Variants in LMO7 observed in about 807,000 individuals in gnomAD.
LMO7 encodes the protein LIM domain only protein 7.
Under a neutral mutation model 206.5 loss-of-function variants are expected in LMO7, and 120 were observed. The ratio of observed to expected loss-of-function variants is 0.58; its 90% CI spans 0.50 to 0.68. LMO7 has a LOEUF of 0.68. Ranked by LOEUF, LMO7 falls within the 30% of genes least tolerant of loss-of-function variation. LMO7 has a pLI of 0.00. For synonymous variants in LMO7, 706 were observed against 681.5 expected (o/e 1.04, Z -0.56); for missense variants, 1,959 against 1,957.9 (o/e 1.00, Z -0.01).
exon 2 of LMO7, chr13:75,623,287 T>C (rs1434504119): frequency 6.9e-7 from 1 of 1,452,320 alleles, no homozygotes; most frequent in Admixed American, 1.7e-5. Context: ...TTTTGAGGAC[T>C]GAACAAAATT....
intron 11 of LMO7, among the ~76,000 whole-genome samples, chr13:75,809,769 A>G (rs1036934954): frequency 6.6e-6 from 1 of 152,102 alleles, no homozygotes; most frequent in Admixed American, 6.5e-5. Flanking sequence ...AGTGCAAAAT[A>G]GACCTTCAAA....
Position 75,854,508 on chromosome 13 carries a change from A to C in LMO7, c.4662-752A>C, listed in dbSNP as rs77226779. Among the ~76,000 whole-genome samples the C allele has an allele frequency of 2.9e-3, 434 of 152,084 alleles. 7 individuals are homozygous for C. Among genetic ancestry groups the C allele is most frequent in the African/African-American group, 0.01 (426 of 41,494 alleles). ...GAGGGAGGGGCTGAGGGCTTTTCTG[A>C]CCTAAGAAGGTCCTGATCTAGGAGG... On this transcript the variant is annotated intron_variant, in intron 28 of 30. Coordinates refer to ENST00000377534, the MANE Select transcript of LMO7 (RefSeq NM_001306080.2).
At position 75,849,392 on chromosome 13, in the gene LMO7, A is replaced by G. The variant is rs1009303923; in HGVS notation, c.4364+100A>G. The G allele has an allele frequency of 7.8e-6, 7 of 894,934 alleles. 1 individual carries two copies. The highest frequency in any genetic ancestry group is 6.7e-5 in the African/African-American group (4 of 60,040). The allele number at this position is 894,934 out of a possible 1,614,324, so 55.4% of individuals were successfully genotyped here. On this transcript the variant is annotated intron_variant, in intron 27 of 30. Transcript: ENST00000377534. ...TTTGGACAGAAGAGATGAAAGGAAC[A>G]TAGAGCGAACGCTCTGGGCACTATT...
chr13:75,671,957 T>C (rs935220897), intron 1 of LMO7, among the ~76,000 whole-genome samples: 5 of 152,166 alleles, frequency 3.3e-5, no homozygotes, highest in African/African-American at 1.2e-4. Flanking sequence ...TCTGAAGTTT[T>C]GAATGCTTTG....
intron 29 of LMO7, 24 bp from the exon 30 acceptor site, chr13:75,856,482 T>C: frequency 7.0e-7 from 1 of 1,422,252 alleles, no homozygotes; most frequent in Non-Finnish European, 9.9e-7. Context: ...TGATTGTAGA[T>C]GTTCTTTTTT....
At position 75,808,097 on chromosome 13, in the gene LMO7, T is replaced by G; in HGVS notation, c.1814T>G (p.Ile605Ser). 1 of 1,613,886 alleles carries G rather than the reference T, an allele frequency of 6.2e-7. No individual in the cohort carries two copies. The highest frequency in any genetic ancestry group is 1.1e-5 in the South Asian group (1 of 91,074). Residue 605 changes from isoleucine to serine, a missense_variant, in exon 10 of 31, where the codon ATC (isoleucine) becomes AGC (serine). Transcript: ENST00000377534. ...SWKLGTTVPP[I>S]SFTPGPCSEA... The stretch of plus-strand genomic sequence containing the variant: ...AAACTGGGAACTACCGTGCCTCCCA[T>G]CAGTTTCACCCCTGGCCCCTGCAGT...
chr13:75,827,207 A>G (rs2058200649), intron 15 of LMO7, among the ~76,000 whole-genome samples: 1 of 152,224 alleles, frequency 6.6e-6, no homozygotes, highest in Non-Finnish European at 1.5e-5. Flanking sequence ...CTTAATTACT[A>G]GGCTGAAGTA....
chr13:75,855,360 T>C lies in LMO7; in HGVS notation c.4762T>C (p.Cys1588Arg). 1 of 1,607,386 alleles carries C rather than the reference T, an allele frequency of 6.2e-7. No individual in the cohort carries two copies. Among genetic ancestry groups the C allele is most frequent in the Non-Finnish European group, 8.5e-7 (1 of 1,174,098 alleles). ...CCTGGGTCTTTGTTATCATTTGCAT[T>C]GTTTTAAGGTGAGACTGAGACAAAC... is the stretch of plus-strand genomic sequence containing the variant. ...ESLGLCYHLH[C>R]FKCVACECDL... The change falls in exon 29 of 31, where the codon TGT becomes CGT. Residue 1588 changes from cysteine (C) to arginine (R), a missense_variant. Physicochemically the swap from Cys to Arg is radical, Grantham distance 180 (BLOSUM62 -3). Transcript: ENST00000377534.
intron 2 of LMO7, among the ~76,000 whole-genome samples, chr13:75,724,882 G>T (rs1281240580): frequency 6.6e-6 from 1 of 152,042 alleles, no homozygotes; most frequent in Non-Finnish European, 1.5e-5. Flanking sequence ...AGGCTACTTT[G>T]TGTGTTATTC....
intron 1 of LMO7, among the ~76,000 whole-genome samples, chr13:75,645,589 G>A (rs1464515340): frequency 1.3e-5 from 2 of 152,156 alleles, no homozygotes; most frequent in Non-Finnish European, 2.9e-5. Flanking sequence ...GAGATTTAAT[G>A]TTTTAATGTT....
chr13:75,624,403 A>G (rs1335768268), intron 2 of LMO7, among the ~76,000 whole-genome samples: 1 of 152,142 alleles, frequency 6.6e-6, no homozygotes, highest in African/African-American at 2.4e-5. Flanking sequence ...TGTAGGAGAG[A>G]GCACCTTTCA....
chr13:75,705,230 G>C (rs9600531), intron 1 of LMO7, among the ~76,000 whole-genome samples: 11,818 of 152,226 alleles, frequency 0.078, 1,022 homozygotes, highest in African/African-American at 0.21. Flanking sequence ...GGATATGTAG[G>C]CTTTTTTCCC....
chr13:75,628,934 A>G (rs7491365), intron 2 of LMO7, among the ~76,000 whole-genome samples: 67,090 of 152,054 alleles, frequency 0.44, 16,326 homozygotes, highest in East Asian at 0.63. Flanking sequence ...GTACAAAAGC[A>G]TTTTCTAACA....
chr13:75,792,324 CAG>C (rs2053426274), intron 4 of LMO7, among the ~76,000 whole-genome samples: 1 of 152,146 alleles, frequency 6.6e-6, no homozygotes, highest in African/African-American at 2.4e-5. Context: ...TCTACTGAAA[CAG>C]AGGGCATTAT....
intron 1 of LMO7, among the ~76,000 whole-genome samples, chr13:75,709,781 G>A (rs957795329): frequency 6.6e-6 from 1 of 152,082 alleles, no homozygotes; most frequent in African/African-American, 2.4e-5. Flanking sequence ...TTCTTTTGCT[G>A]TGCAGAAGCT....
chr13:75,807,770 G>A lies in LMO7; in HGVS notation c.1487G>A (p.Arg496Gln), dbSNP rs776325790. Residue 496 changes from arginine to glutamine, a missense_variant, in exon 10 of 31, where the codon CGA (arginine) becomes CAA (glutamine). Arg to Gln is a conservative substitution (Grantham distance 43, BLOSUM62 1). Coordinates refer to ENST00000377534, the MANE Select transcript of LMO7 (RefSeq NM_001306080.2). Reference protein sequence around the residue: ...KFSEQDDSVERDIILQCREGE... With the variant: ...KFSEQDDSVEQDIILQCREGE... ...TCTGAGCAAGATGATTCTGTAGAGCGAGATATAATTTTACAGTGTAGAGAA... is the reference window on the plus strand; with the variant it reads ...TCTGAGCAAGATGATTCTGTAGAGCAAGATATAATTTTACAGTGTAGAGAA... 21 of 1,613,944 alleles carry A rather than the reference G, an allele frequency of 1.3e-5. No homozygotes were observed. The East Asian group carries it at 1.6e-4, about 12-fold the overall frequency.
chr13:75,829,304 G>A (rs1396032258), intron 15 of LMO7, among the ~76,000 whole-genome samples: 1 of 152,128 alleles, frequency 6.6e-6, no homozygotes, highest in East Asian at 1.9e-4. Flanking sequence ...AGAATAGTGG[G>A]CAGTGCCTGG....
intron 21 of LMO7, 71 bp downstream of exon 21, chr13:75,840,181 CT>C (rs749821447): frequency 7.1e-5 from 104 of 1,467,784 alleles, no homozygotes; most frequent in Non-Finnish European, 8.4e-5. Flanking sequence ...CCGTAGCATG[CT>C]TACCATGATT....
At chr13:75,750,693 C>T (rs1049479620) in intron 3 of LMO7, among the ~76,000 whole-genome samples, 21 of 152,150 alleles carry the variant, frequency 1.4e-4, no homozygotes, top group East Asian at 3.9e-4. Flanking sequence ...CACCACTGGC[C>T]GGGGATTTTC....
Sources: allele counts gnomAD v4.1 joint callset (sites outside exome capture counted in the v4.1 genomes callset), GRCh38; gene constraint gnomAD v4.1.1; transcripts MANE v1.5; gene names NCBI Gene and HGNC (gene_info 2026-07-23, HGNC 2026-07-21).